The following PLEKHB2 variants were observed in gnomAD, a reference collection of about 807,000 sequenced individuals.
PLEKHB2 encodes the protein pleckstrin homology domain containing B2, also known as pleckstrin homology domain-containing family B member 2.
Under a neutral mutation model 36.5 loss-of-function variants are expected in PLEKHB2, and 31 were observed. The observed-to-expected ratio is 0.85, with a 90% CI of 0.64 to 1.15. PLEKHB2 has a LOEUF of 1.15. PLEKHB2 is among the 50% of genes most tolerant of loss of function. The pLI is 0.00. For synonymous variants in PLEKHB2, 119 were observed against 112.0 expected (o/e 1.06, Z -0.39); for missense variants, 262 against 295.3 (o/e 0.89, Z 0.83).
chr2:131,128,580 G>A (rs1443954496), intron 4 of PLEKHB2, among the ~76,000 whole-genome samples: 1 of 152,146 alleles, frequency 6.6e-6, no homozygotes, highest in Non-Finnish European at 1.5e-5. Context: ...GCTCTTTTGT[G>A]TCTGTAACTT....
In PLEKHB2 at chr2:131,147,131, A is replaced by T. The variant is rs1699357985; in HGVS notation, c.*358A>T. Reference sequence around the variant, plus strand: ...TGTTATGCCAGTAATATAGTGTTGTATGCCTATTGAGTGATTGTGGCAAGA... The same window carrying T: ...TGTTATGCCAGTAATATAGTGTTGTTTGCCTATTGAGTGATTGTGGCAAGA... On this transcript the variant is annotated 3_prime_UTR_variant, in exon 8 of 8. Transcript: ENST00000693505. 1.2e-5 allele frequency: 2 copies of T among 161,836 alleles called. No homozygotes were observed. Among genetic ancestry groups the T allele is most frequent in the African/African-American group, 4.8e-5 (2 of 41,872 alleles). 10.0% of individuals were successfully genotyped at this position (161,836 alleles called of 1,614,324 possible).
rs1212895454 is a variant in PLEKHB2, at chr2:131,148,738, A to T, written c.*1965A>T. 1 of 152,222 alleles carries T rather than the reference A, an allele frequency of 6.6e-6. No individual in the cohort carries two copies. The highest frequency in any genetic ancestry group is 6.5e-5 in the Admixed American group (1 of 15,276). 9.4% of individuals were successfully genotyped at this position (152,222 alleles called of 1,614,324 possible). A position where few individuals can be genotyped will look rare whatever the true frequency, so the allele number is the denominator to read the frequency against. On this transcript the variant is annotated 3_prime_UTR_variant, in exon 8 of 8. Transcript: ENST00000693505. ...TTTCCACATGGAAGGATGTCTGTTT[A>T]TCTCTCATCTCTGAATAGATGTATG... is the stretch of plus-strand genomic sequence containing the variant.
intron 7 of PLEKHB2, among the ~76,000 whole-genome samples, chr2:131,146,026 C>T (rs1455680847): frequency 6.6e-6 from 1 of 151,434 alleles, no homozygotes; most frequent in East Asian, 2.0e-4. Context: ...ACTAAAAATA[C>T]AAAAAATTAG....
intron 1 of PLEKHB2, among the ~76,000 whole-genome samples, chr2:131,114,382 C>T (rs546730866): frequency 1.1e-4 from 16 of 152,320 alleles, no homozygotes; most frequent in African/African-American, 3.8e-4. Context: ...CCTCAGCCTC[C>T]CAAAGTGCTG....
intron 7 of PLEKHB2, among the ~76,000 whole-genome samples, chr2:131,143,828 C>T (rs1420791213): frequency 3.3e-5 from 5 of 152,336 alleles, no homozygotes; most frequent in Middle Eastern, 3.4e-3. Context: ...AGGGCTGTTG[C>T]CGCTGTTTCT....
Position 131,125,777 on chromosome 2 carries a change from A to G in PLEKHB2, c.62A>G (p.Lys21Arg), listed in dbSNP as rs1224923259. Residue 21 changes from lysine (K) to arginine (R), a missense_variant, in exon 3 of 8, where the codon AAG (lysine) becomes AGG (arginine). Transcript: ENST00000693505. ...RQSTILKRWK[K>R]NWFDLWSDGH... ...GGTACTATTTTGAAGCGCTGGAAGA[A>G]GAACTGGTTTGATCTGTGGTCGGAT... The G allele has an allele frequency of 6.2e-7, 1 of 1,611,756 alleles. No homozygotes were observed. Among genetic ancestry groups the G allele is most frequent in the East Asian group, 2.2e-5 (1 of 44,866 alleles).
chr2:131,142,878 C>T (rs1481676297), intron 7 of PLEKHB2, among the ~76,000 whole-genome samples: 1 of 151,846 alleles, frequency 6.6e-6, no homozygotes, highest in Admixed American at 6.6e-5. Flanking sequence ...CTTTTTTTCT[C>T]CCCCCCAACT....
At chr2:131,135,191 C>G (rs1385983324) in intron 6 of PLEKHB2, among the ~76,000 whole-genome samples, 3 of 152,084 alleles carry the variant, frequency 2.0e-5, no homozygotes, top group Non-Finnish European at 4.4e-5. Flanking sequence ...CCTGCCTCAG[C>G]CTCCTGAGTA....
intron 1 of PLEKHB2, among the ~76,000 whole-genome samples, chr2:131,111,848 GT>G (rs939570215): frequency 6.6e-6 from 1 of 151,762 alleles, no homozygotes; most frequent in African/African-American, 2.4e-5. Context: ...GATTCTTGAG[GT>G]TTTTTTCTTG....
intron 6 of PLEKHB2, among the ~76,000 whole-genome samples, chr2:131,135,464 A>G (rs1698146576): frequency 6.6e-6 from 1 of 152,186 alleles, no homozygotes; most frequent in African/African-American, 2.4e-5. Context: ...TACAAATAGG[A>G]ATCTGTTTTC....
At chr2:131,127,532 T>G (rs1697215918) in intron 4 of PLEKHB2, among the ~76,000 whole-genome samples, 1 of 152,224 alleles carries the variant, frequency 6.6e-6, no homozygotes, top group Non-Finnish European at 1.5e-5. Flanking sequence ...GATTAGGATT[T>G]ATACATATCT....
At chr2:131,141,442 A>G (rs1368213520) in intron 7 of PLEKHB2, among the ~76,000 whole-genome samples, 1 of 152,140 alleles carries the variant, frequency 6.6e-6, no homozygotes, top group African/African-American at 2.4e-5. Flanking sequence ...GATCGAGACC[A>G]TCCTGGCTAA....
intron 6 of PLEKHB2, among the ~76,000 whole-genome samples, chr2:131,136,005 C>T (rs1248238003): frequency 1.3e-5 from 2 of 152,104 alleles, no homozygotes; most frequent in African/African-American, 4.8e-5. Flanking sequence ...TTTACATATG[C>T]ATATATTTAG....
rs535012097 is a variant in PLEKHB2, at chr2:131,107,471, T to C, written c.-9+2073T>C. ...TCCCTTCTGTTTCAGAATGTACCTG[T>C]GACATCTCTTTGACTCTCCACTGTT... On this transcript the variant is annotated intron_variant, in intron 1 of 7. Coordinates refer to ENST00000693505, the MANE Select transcript of PLEKHB2 (RefSeq NM_001100623.2). 5 of 152,338 alleles carry C rather than the reference T, an allele frequency of 3.3e-5. No homozygotes were observed. The East Asian group carries it at 9.7e-4, about 29-fold the overall frequency. The allele number at this position is 152,338 out of a possible 1,614,324, so 9.4% of individuals were successfully genotyped here.
intron 7 of PLEKHB2, among the ~76,000 whole-genome samples, chr2:131,145,042 C>T (rs1699146030): frequency 6.6e-6 from 1 of 152,156 alleles, no homozygotes; most frequent in African/African-American, 2.4e-5. Context: ...CATTGTACTA[C>T]TCTGTGCCTT....
intron 6 of PLEKHB2, among the ~76,000 whole-genome samples, chr2:131,135,762 G>A (rs185898367): frequency 5.7e-4 from 87 of 151,920 alleles, no homozygotes; most frequent in African/African-American, 2.0e-3. Flanking sequence ...CACCATGCCC[G>A]GCTAATTTTT....
chr2:131,120,394 T>C (rs1344770481), intron 1 of PLEKHB2: 1 of 155,344 alleles, frequency 6.4e-6, no homozygotes, highest in Non-Finnish European at 1.4e-5. Flanking sequence ...TCTTCTAATT[T>C]ATCACTTTTA....
intron 5 of PLEKHB2, among the ~76,000 whole-genome samples, 158 bp from the exon 6 acceptor site, chr2:131,132,744 C>G (rs995986244): frequency 6.6e-6 from 1 of 152,144 alleles, no homozygotes; most frequent in Admixed American, 6.5e-5. Flanking sequence ...GGTGGGGGCC[C>G]CCACTGGACT....
In PLEKHB2 at chr2:131,148,358, T is replaced by A. The variant is rs1226140948; in HGVS notation, c.*1585T>A. 6.6e-6 allele frequency: 1 copy of A among 152,228 alleles called. No homozygotes were observed. Among genetic ancestry groups the A allele is most frequent in the Non-Finnish European group, 1.5e-5 (1 of 68,054 alleles). 9.4% of individuals were successfully genotyped at this position (152,228 alleles called of 1,614,324 possible). On this transcript the variant is annotated 3_prime_UTR_variant, in exon 8 of 8. Coordinates refer to ENST00000693505, the MANE Select transcript of PLEKHB2 (RefSeq NM_001100623.2). ...TATATGAAGTGTGTATTTGAAATATTCATATTTCTGTTATTTCTTGTTTTC... is the reference window on the plus strand; with the variant it reads ...TATATGAAGTGTGTATTTGAAATATACATATTTCTGTTATTTCTTGTTTTC...
Sources: gnomAD v4.1 joint callset for allele counts (sites outside exome capture counted in the v4.1 genomes callset) on GRCh38, gnomAD v4.1.1 for gene constraint, MANE v1.5 for transcripts, NCBI Gene and HGNC (gene_info 2026-07-23, HGNC 2026-07-21) for gene names.